MTMR1: variants seen among roughly 807,000 people sequenced by gnomAD.
The protein encoded by MTMR1 is myotubularin related protein 1.
A neutral mutation model predicts 51.6 loss-of-function variants in MTMR1; 17 were observed. The observed-to-expected ratio is 0.33, with a 90% CI of 0.23 to 0.49. The LOEUF is 0.49. MTMR1 is among the 20% of genes least tolerant of loss of function. The probability of loss-of-function intolerance (pLI) is 0.99; values close to 1 mark genes in which losing one functional copy is unlikely to be tolerated. For missense variants in MTMR1, 386 were observed against 526.9 expected (o/e 0.73, Z 2.62); for synonymous variants, 201 against 205.6 (o/e 0.98, Z 0.19).
chrX:150,758,911 C>G (rs782206693), intron 15 of MTMR1, among the ~76,000 whole-genome samples: 18 of 112,467 alleles, frequency 1.6e-4, no homozygotes, highest in Non-Finnish European at 3.0e-4. Flanking sequence ...CTGCTTGTCA[C>G]TAGATTGAAT....
chrX:150,712,193 A>C, intron 2 of MTMR1, 149 bp from the exon 3 acceptor site: 2 of 458,022 alleles, frequency 4.4e-6, no homozygotes, highest in Non-Finnish European at 7.5e-6. Context: ...AATGAAACTT[A>C]GAGGGCAAAT....
In MTMR1 at chrX:150,737,336, C is replaced by A; in HGVS notation, c.1361C>A (p.Ala454Asp). 1 of 1,210,943 alleles carries A rather than the reference C, an allele frequency of 8.3e-7. No homozygotes were observed. The highest frequency in any genetic ancestry group is 1.1e-6 in the Non-Finnish European group (1 of 894,819). The change falls in exon 12 of 16, where the codon GCC (alanine) becomes GAC (aspartate). Residue 454 changes from alanine to aspartate, a missense_variant. By Grantham distance (126) the Ala-to-Asp change is moderately radical (BLOSUM62 -2). Transcript: ENST00000445323. ...VHCSDGWDRT[A>D]QLTSLAMLML... ...TGCAGCGACGGTTGGGACCGAACAG[C>A]CCAGCTCACATCTCTGGCTATGCTA...
At chrX:150,761,418 G>A (rs1293712379) in intron 15 of MTMR1, among the ~76,000 whole-genome samples, 2 of 112,446 alleles carry the variant, frequency 1.8e-5, no homozygotes, top group South Asian at 3.7e-4. Context: ...CCTCCAGGAG[G>A]GCTGATCACC....
intron 4 of MTMR1, among the ~76,000 whole-genome samples, chrX:150,718,976 G>T (rs189940939): frequency 9.0e-6 from 1 of 111,417 alleles, no homozygotes; most frequent in East Asian, 2.8e-4. Context: ...TAGACACTCA[G>T]TGTAATGTCA....
intron 3 of MTMR1, chrX:150,713,087 A>C (rs1276350358): frequency 2.6e-6 from 1 of 382,159 alleles, no homozygotes; most frequent in Non-Finnish European, 3.6e-6. Context: ...TATTGAAGCC[A>C]ATGAAGTAGT....
chrX:150,715,477 A>G (rs1557416366), intron 3 of MTMR1, among the ~76,000 whole-genome samples: 1 of 112,514 alleles, frequency 8.9e-6, no homozygotes, highest in African/African-American at 3.2e-5. Context: ...GTTCATAAGA[A>G]TATTCCATCC....
At position 150,737,279 on chromosome X, in the gene MTMR1, T is replaced by C; in HGVS notation, c.1304T>C (p.Ile435Thr). 8.3e-7 allele frequency: 1 copy of C among 1,211,872 alleles called. No homozygotes were observed. Among genetic ancestry groups the C allele is most frequent in the Middle Eastern group, 2.3e-4 (1 of 4,355 alleles). Reference protein sequence around the residue: ...LAGAVRIADKIESGKTSVVVH... With the variant: ...LAGAVRIADKTESGKTSVVVH... The stretch of plus-strand genomic sequence containing the variant: ...GGGGCAGTAAGAATTGCTGATAAAA[T>C]AGAATCTGGGAAAACATCTGTGGTG... The change falls in exon 12 of 16, where the codon ATA becomes ACA. Residue 435 changes from isoleucine (I) to threonine (T), a missense_variant. Coordinates refer to ENST00000445323, the MANE Select transcript of MTMR1 (RefSeq NM_001306144.3).
intron 9 of MTMR1, 58 bp downstream of exon 9, chrX:150,731,677 G>T: frequency 9.9e-7 from 1 of 1,008,931 alleles, no homozygotes; most frequent in Non-Finnish European, 1.3e-6. Context: ...ATCTAATATG[G>T]AGAGATTTAA....
chrX:150,708,034 T>A (rs1164732743), intron 2 of MTMR1, among the ~76,000 whole-genome samples: 1 of 111,785 alleles, frequency 8.9e-6, no homozygotes, highest in Non-Finnish European at 1.9e-5. Flanking sequence ...ATGATAGAAA[T>A]AAAGACAGAT....
chrX:150,717,028 T>C (rs909503046), intron 3 of MTMR1, among the ~76,000 whole-genome samples: 8 of 110,857 alleles, frequency 7.2e-5, no homozygotes, highest in Non-Finnish European at 1.1e-4. Context: ...CTCTTGCGGA[T>C]TCGGTGTGCA....
intron 15 of MTMR1, among the ~76,000 whole-genome samples, chrX:150,759,637 G>C (rs1217713581): frequency 9.1e-6 from 1 of 109,683 alleles, no homozygotes; most frequent in East Asian, 2.8e-4. Context: ...CGCCGCGTGA[G>C]GCAGGTAACA....
chrX:150,750,698 A>G (rs782461598), intron 13 of MTMR1, 32 bp from the exon 14 acceptor site: 3 of 993,152 alleles, frequency 3.0e-6, no homozygotes, highest in African/African-American at 1.9e-5. Flanking sequence ...ATTGGACTCT[A>G]TGACTAAACC....
intron 13 of MTMR1, among the ~76,000 whole-genome samples, chrX:150,745,450 G>A (rs1230284322): frequency 8.9e-6 from 1 of 111,846 alleles, no homozygotes; most frequent in Non-Finnish European, 1.9e-5. Context: ...TGATCCTCCC[G>A]CAGCCTTATC....
At chrX:150,712,658 A>G in intron 3 of MTMR1, 1 of 283,908 alleles carries the variant, frequency 3.5e-6, no homozygotes, top group South Asian at 7.6e-5. Context: ...ATGGATATTC[A>G]TGACTGGGGT....
In MTMR1 at chrX:150,759,627, C is replaced by T. The variant is rs145578390; in HGVS notation, c.1858-2938C>T. Among the ~76,000 whole-genome samples, 80 of 109,618 alleles carry T rather than the reference C, an allele frequency of 7.3e-4. 1 individual carries two copies. The highest frequency in any genetic ancestry group is 2.2e-3 in the African/African-American group (68 of 30,779). On this transcript the variant is annotated intron_variant, in intron 15 of 15. Coordinates refer to ENST00000445323, the MANE Select transcript of MTMR1 (RefSeq NM_001306144.3). ...GTGCACCCAGGCTCAGATTCTTGCC[C>T]GCCGCGTGAGGCAGGTAACAGACCT...
chrX:150,735,481 A>G (rs2042240940), intron 10 of MTMR1: 1 of 507,917 alleles, frequency 2.0e-6, no homozygotes, highest in Non-Finnish European at 3.5e-6. Context: ...ATCAGGATAC[A>G]GCTAGCCTCA....
chrX:150,699,137 A>C, intron 1 of MTMR1, 58 bp from the exon 2 acceptor site: 1 of 783,034 alleles, frequency 1.3e-6, no homozygotes, highest in Non-Finnish European at 1.8e-6. Context: ...ATTCAGTGCT[A>C]ATTTTTTCAC....
At chrX:150,760,791 G>C (rs1346277293) in intron 15 of MTMR1, among the ~76,000 whole-genome samples, 1 of 110,628 alleles carries the variant, frequency 9.0e-6, no homozygotes, top group Non-Finnish European at 1.9e-5. Context: ...AGACACAGTG[G>C]TGGCGGGCGC....
intron 14 of MTMR1, among the ~76,000 whole-genome samples, chrX:150,751,488 G>A (rs782437098): frequency 1.8e-5 from 2 of 111,125 alleles, no homozygotes; most frequent in Non-Finnish European, 3.8e-5. Flanking sequence ...TGTCAGTAAC[G>A]CCCGCCTCCC....
Sources: allele counts gnomAD v4.1 joint callset (sites outside exome capture counted in the v4.1 genomes callset), GRCh38; gene constraint gnomAD v4.1.1; transcripts MANE v1.5; gene names NCBI Gene and HGNC (gene_info 2026-07-23, HGNC 2026-07-21).